The following VPS53 variants were observed in gnomAD, a reference collection of about 807,000 sequenced individuals.
VPS53 encodes vacuolar protein sorting-associated protein 53 homolog.
A neutral mutation model predicts 107.0 loss-of-function variants in VPS53; 70 were observed. The observed-to-expected ratio is 0.65, with a 90% CI of 0.54 to 0.80. VPS53 has a LOEUF of 0.80. Ranked by LOEUF, VPS53 falls within the 30% of genes least tolerant of loss-of-function variation. The probability of loss-of-function intolerance (pLI) is 0.00; values close to 1 mark genes in which losing one functional copy is unlikely to be tolerated. For synonymous variants in VPS53, 409 were observed against 393.3 expected (o/e 1.04, Z -0.47); for missense variants, 917 against 1,049.4 (o/e 0.87, Z 1.74).
intron 4 of VPS53, among the ~76,000 whole-genome samples, chr17:664,784 C>A (rs1251521370): frequency 6.6e-6 from 1 of 152,054 alleles, no homozygotes; most frequent in African/African-American, 2.4e-5. Flanking sequence ...AGACGCCGAG[C>A]GATTCAGGGT....
intron 2 of VPS53, chr17:706,148 T>C (rs1449640472): frequency 6.6e-6 from 1 of 152,060 alleles, no homozygotes. Flanking sequence ...GTGCCTAGAG[T>C]GCTGTCGGGT....
intron 4 of VPS53, chr17:674,449 C>G (rs1353617057): frequency 2.6e-5 from 4 of 152,212 alleles, no homozygotes; most frequent in African/African-American, 4.8e-5. Flanking sequence ...TTTTGAGACA[C>G]CTTCTGTGCC....
At chr17:593,458 A>T (rs1458233341) in intron 12 of VPS53, among the ~76,000 whole-genome samples, 3 of 152,294 alleles carry the variant, frequency 2.0e-5, no homozygotes, top group Admixed American at 2.0e-4. Context: ...AAACAAATTT[A>T]CAAGAAAAAA....
chr17:545,324 C>G (rs1351631124), intron 17 of VPS53, among the ~76,000 whole-genome samples: 1 of 152,190 alleles, frequency 6.6e-6, no homozygotes, highest in African/African-American at 2.4e-5. Flanking sequence ...CAGGGCCACA[C>G]CCCCGCGGGC....
intron 10 of VPS53, among the ~76,000 whole-genome samples, chr17:626,173 C>T (rs1221429746): frequency 6.6e-6 from 1 of 151,412 alleles, no homozygotes; most frequent in African/African-American, 2.4e-5. Flanking sequence ...CACACCACTG[C>T]ACTCCAGTCT....
chr17:641,966 C>A (rs564853874), intron 7 of VPS53, among the ~76,000 whole-genome samples: 27 of 152,322 alleles, frequency 1.8e-4, no homozygotes, highest in African/African-American at 6.5e-4. Context: ...GACTGCAGGG[C>A]TGTTCCAAGG....
chr17:658,227 G>GA (rs1298565080), intron 5 of VPS53, among the ~76,000 whole-genome samples: 2 of 104,004 alleles, frequency 1.9e-5, no homozygotes, highest in South Asian at 3.6e-4. Context: ...ATTGAAGTGA[G>GA]ACACTCGGCC....
intron 2 of VPS53, among the ~76,000 whole-genome samples, chr17:706,391 G>T (rs758751006): frequency 2.0e-5 from 3 of 151,936 alleles, no homozygotes; most frequent in Non-Finnish European, 4.4e-5. Context: ...ACAAAAATTA[G>T]CCAGGCTTGG....
At chr17:636,839 T>C (rs1970216486) in intron 7 of VPS53, among the ~76,000 whole-genome samples, 2 of 152,350 alleles carry the variant, frequency 1.3e-5, no homozygotes, top group African/African-American at 2.4e-5. Flanking sequence ...CTGAGGATTT[T>C]TGTGCCAATG....
chr17:606,575 C>T (rs949668064), intron 11 of VPS53, among the ~76,000 whole-genome samples: 11 of 152,106 alleles, frequency 7.2e-5, no homozygotes, highest in African/African-American at 2.7e-4. Flanking sequence ...CGGTACAAGG[C>T]GGTTCCACTA....
chr17:623,442 C>T (rs1969555480), intron 11 of VPS53, 91 bp downstream of exon 11: 2 of 1,466,556 alleles, frequency 1.4e-6, no homozygotes, highest in African/African-American at 2.8e-5. Flanking sequence ...AGCACCGAAG[C>T]CAATGGATAG....
intron 3 of VPS53, among the ~76,000 whole-genome samples, chr17:698,576 G>A (rs74657536): frequency 0.081 from 12,325 of 151,922 alleles, 603 homozygotes; most frequent in Non-Finnish European, 0.11. Flanking sequence ...GTGGTGGTGC[G>A]CCTGTAGTCC....
At chr17:672,638 A>AT (rs1486208243) in intron 4 of VPS53, among the ~76,000 whole-genome samples, 2 of 152,224 alleles carry the variant, frequency 1.3e-5, no homozygotes, top group Non-Finnish European at 2.9e-5. Flanking sequence ...AAAATGAGAC[A>AT]TTCTCCAGAA....
intron 4 of VPS53, among the ~76,000 whole-genome samples, chr17:667,723 G>A (rs1005378137): frequency 6.6e-6 from 1 of 151,518 alleles, no homozygotes; most frequent in Non-Finnish European, 1.5e-5. Context: ...GAATTGTTTA[G>A]TGCAGGGGAC....
intron 4 of VPS53, among the ~76,000 whole-genome samples, chr17:662,527 A>G (rs74366872): frequency 1.3e-5 from 2 of 151,912 alleles, no homozygotes; most frequent in African/African-American, 4.8e-5. Context: ...ATCTCTACTA[A>G]AAATACAAAA....
At chr17:556,947 G>C (rs1912478590) in intron 15 of VPS53, among the ~76,000 whole-genome samples, 1 of 150,492 alleles carries the variant, frequency 6.6e-6, no homozygotes, top group Non-Finnish European at 1.5e-5. Context: ...CTCTGAGGAG[G>C]TGATACTGAA....
At chr17:531,289 A>G (rs1244913384) in intron 19 of VPS53, among the ~76,000 whole-genome samples, 2 of 152,084 alleles carry the variant, frequency 1.3e-5, no homozygotes, top group East Asian at 3.9e-4. Context: ...ACACTCCCCT[A>G]CTGCCCACCT....
intron 19 of VPS53, among the ~76,000 whole-genome samples, chr17:523,801 G>C (rs1315006909): frequency 6.6e-6 from 1 of 152,142 alleles, no homozygotes; most frequent in East Asian, 1.9e-4. Context: ...TTGTTGAAAA[G>C]GCCAAGGGCT....
chr17:624,083 C>T (rs959944007), intron 10 of VPS53, among the ~76,000 whole-genome samples: 12 of 151,610 alleles, frequency 7.9e-5, no homozygotes, highest in Non-Finnish European at 1.8e-4. Context: ...GTCTCAAACT[C>T]CTGACCTCAA....
Sources: allele counts gnomAD v4.1 joint callset (sites outside exome capture counted in the v4.1 genomes callset), GRCh38; gene constraint gnomAD v4.1.1; transcripts MANE v1.5; gene names NCBI Gene and HGNC (gene_info 2026-07-23, HGNC 2026-07-21).